Variants in HYAL4 observed in about 807,000 individuals in gnomAD.
The protein encoded by HYAL4 is hyaluronidase-4.
HYAL4 carries 37 observed loss-of-function variants against 35.2 expected under a neutral mutation model. The observed-to-expected ratio is 1.05, with a 90% CI of 0.81 to 1.38. The LOEUF is 1.38. Among genes scored for constraint, HYAL4 ranks in the 40% most tolerant of loss-of-function variants. The pLI, the probability that HYAL4 is intolerant of heterozygous loss-of-function variation, is 0.00. For synonymous variants in HYAL4, 198 were observed against 203.2 expected (o/e 0.97, Z 0.22); for missense variants, 572 against 572.4 (o/e 1.00, Z 0.01).
chr7:123,775,897 T>C, the HYAL4 span, among the ~76,000 whole-genome samples: 3 of 152,184 alleles, frequency 2.0e-5, no homozygotes, highest in South Asian at 2.1e-4. Flanking sequence ...TCTGGAAATA[T>C]AGAGCAGACC....
chr7:123,829,826 G>A lies in HYAL4; in HGVS notation c.-257+702G>A, dbSNP rs188659758. Among the ~76,000 whole-genome samples the A allele has an allele frequency of 8.0e-4, 121 of 152,180 alleles. No homozygotes were observed. The Middle Eastern group carries it at 0.01, about 13-fold the overall frequency. ...AGTCTGAGTGACAAAGTGAGACCCC[G>A]TCTCAAAAAAATTTTTTTAAAGACC... On this transcript the variant is annotated intron_variant, in intron 1 of 4. Transcript: ENST00000489978.
At chr7:123,814,291 C>T in the HYAL4 span, 2 of 152,608 alleles carry the variant, frequency 1.3e-5, no homozygotes, top group African/African-American at 2.4e-5. Flanking sequence ...TGCCTTCCTT[C>T]AACGTGGATA....
At chr7:123,874,636 A>C in intron 3 of HYAL4, 125 bp from the exon 4 acceptor site, 1 of 597,232 alleles carries the variant, frequency 1.7e-6, no homozygotes, top group Non-Finnish European at 3.0e-6. Flanking sequence ...CAAACTCTTG[A>C]CCTCGTGATC....
At chr7:123,840,490 G>A (rs1315319884), upstream of HYAL4, among the ~76,000 whole-genome samples, 1 of 151,920 alleles carries the variant, frequency 6.6e-6, no homozygotes, top group Admixed American at 6.6e-5. Context: ...GGTTCCATAT[G>A]AACTTTAAAG....
chr7:123,865,056 A>G (rs1188772583), intron 2 of HYAL4, among the ~76,000 whole-genome samples: 1 of 146,918 alleles, frequency 6.8e-6, no homozygotes, highest in Non-Finnish European at 1.5e-5. Context: ...CTTCCCTGAG[A>G]CACTGAGAAC....
the HYAL4 span, among the ~76,000 whole-genome samples, chr7:123,822,742 TG>T: frequency 6.6e-6 from 1 of 152,180 alleles, no homozygotes; most frequent in Non-Finnish European, 1.5e-5. Context: ...GAAGGTTGCT[TG>T]AGGCCAGGAG....
chr7:123,872,611 G>A (rs1172547338), intron 3 of HYAL4, among the ~76,000 whole-genome samples: 1 of 152,222 alleles, frequency 6.6e-6, no homozygotes, highest in African/African-American at 2.4e-5. Context: ...GGACCTGGGA[G>A]GCTCATTTTC....
the HYAL4 span, among the ~76,000 whole-genome samples, chr7:123,765,691 G>A: frequency 6.6e-6 from 1 of 152,124 alleles, no homozygotes; most frequent in South Asian, 2.1e-4. Context: ...TGCTTTTGTA[G>A]TCTGCCTTTC....
chr7:123,835,236 T>C (rs1446402185), intron 1 of HYAL4, among the ~76,000 whole-genome samples: 2 of 151,616 alleles, frequency 1.3e-5, no homozygotes, highest in Non-Finnish European at 2.9e-5. Flanking sequence ...AATTTTTTTT[T>C]GTTACCATTT....
Position 123,868,360 on chromosome 7 carries a change from A to G in HYAL4, c.87A>G (p.Leu29=). The change falls in exon 3 of 5, where the codon CTA becomes CTG. Residue 29 remains leucine (L), a synonymous_variant. Coordinates refer to ENST00000223026, the MANE Select transcript of HYAL4 (RefSeq NM_012269.3). ...CATGGCTCCTTATATTTTTTATTCTAAAGTCTATCTCTTGTCTAAAACCTG... is the reference window on the plus strand; with the variant it reads ...CATGGCTCCTTATATTTTTTATTCTGAAGTCTATCTCTTGTCTAAAACCTG... The part of the protein sequence containing the change: ...LTSWLLIFFI[L]KSISCLKPAR... 1 of 1,605,948 alleles carries G rather than the reference A, an allele frequency of 6.2e-7. No homozygotes were observed. Among genetic ancestry groups the G allele is most frequent in the Non-Finnish European group, 8.5e-7 (1 of 1,177,760 alleles).
chr7:123,820,658 T>A, the HYAL4 span, among the ~76,000 whole-genome samples: 1 of 152,152 alleles, frequency 6.6e-6, no homozygotes, highest in Non-Finnish European at 1.5e-5. Context: ...TCTTAAATTT[T>A]GGAGTGCTTA....
the HYAL4 span, among the ~76,000 whole-genome samples, chr7:123,765,720 T>G: frequency 4.6e-5 from 7 of 152,188 alleles, no homozygotes; most frequent in Admixed American, 4.6e-4. Flanking sequence ...GCATTTCAAC[T>G]AATCTACTAC....
chr7:123,857,474 G>A (rs1216431331), intron 2 of HYAL4, among the ~76,000 whole-genome samples: 2 of 151,892 alleles, frequency 1.3e-5, no homozygotes, highest in African/African-American at 4.8e-5. Flanking sequence ...GTGAGGTGAT[G>A]CCCCACCCTG....
chr7:123,793,619 TA>T, the HYAL4 span, among the ~76,000 whole-genome samples: 1 of 152,246 alleles, frequency 6.6e-6, no homozygotes, highest in Non-Finnish European at 1.5e-5. Flanking sequence ...CCACTTTTGC[TA>T]GGCACTTCTT....
At chr7:123,843,146 C>T (rs1584912285), upstream of HYAL4, among the ~76,000 whole-genome samples, 1 of 151,974 alleles carries the variant, frequency 6.6e-6, no homozygotes, top group Admixed American at 6.6e-5. Flanking sequence ...CCGGTTGTTT[C>T]TTTCCATGTT....
At chr7:123,812,877 A>G in the HYAL4 span, among the ~76,000 whole-genome samples, 1 of 152,294 alleles carries the variant, frequency 6.6e-6, no homozygotes, top group South Asian at 2.1e-4. Context: ...GTGATGGGAG[A>G]AAAACCATCT....
At chr7:123,851,170 C>T (rs1806297138) in intron 2 of HYAL4, among the ~76,000 whole-genome samples, 1 of 152,152 alleles carries the variant, frequency 6.6e-6, no homozygotes, top group South Asian at 2.1e-4. Context: ...AAGTAGACAA[C>T]AAATTATTTA....
At chr7:123,794,268 G>C in the HYAL4 span, among the ~76,000 whole-genome samples, 6 of 152,280 alleles carry the variant, frequency 3.9e-5, no homozygotes, top group Admixed American at 3.9e-4. Flanking sequence ...ATAAAAGTTT[G>C]AAAAATTTGC....
chr7:123,798,417 T>C, the HYAL4 span, among the ~76,000 whole-genome samples: 1 of 152,160 alleles, frequency 6.6e-6, no homozygotes, highest in Non-Finnish European at 1.5e-5. Context: ...TTACCTACAA[T>C]GATCTTAGAA....
Sources: gnomAD v4.1 joint callset for allele counts (sites outside exome capture counted in the v4.1 genomes callset) on GRCh38, gnomAD v4.1.1 for gene constraint, MANE v1.5 for transcripts, NCBI Gene and HGNC (gene_info 2026-07-23, HGNC 2026-07-21) for gene names.